NEK5: variants seen among roughly 807,000 people sequenced by gnomAD.
The protein encoded by NEK5 is NIMA related kinase 5, also known as serine/threonine-protein kinase Nek5.
In NEK5, 88 loss-of-function variants were observed where a neutral mutation model predicts 109.2. That is an observed-to-expected ratio of 0.81 (90% CI 0.68 to 0.96). The LOEUF is 0.96. Among genes scored for constraint, NEK5 ranks in the 40% least tolerant of loss-of-function variants. The probability of loss-of-function intolerance (pLI) is 0.00; values close to 1 mark genes in which losing one functional copy is unlikely to be tolerated. For synonymous variants in NEK5, 283 were observed against 299.9 expected (o/e 0.94, Z 0.58); for missense variants, 834 against 920.7 (o/e 0.91, Z 1.22).
At chr13:52,087,563 C>T in intron 14 of NEK5, 109 bp from the exon 15 acceptor site, 1 of 578,376 alleles carries the variant, frequency 1.7e-6, no homozygotes, top group Non-Finnish European at 3.0e-6. Context: ...TAAGCAAACT[C>T]AGTATTTGGG....
At chr13:52,059,736 T>C (rs1408620298) in intron 22 of NEK5, among the ~76,000 whole-genome samples, 4 of 148,778 alleles carry the variant, frequency 2.7e-5, no homozygotes, top group Admixed American at 6.8e-5. Context: ...TTCTCACTCA[T>C]AGGTGGGAAT....
rs569894084 is a variant in NEK5 at position 52,048,104 on chromosome 13, G to A, written c.2228+2000C>T. On this transcript the variant is annotated intron_variant, in intron 23 of 23. Coordinates refer to ENST00000684899, the MANE Select transcript of NEK5 (RefSeq NM_001365552.1). ...GGATGACTATAGTTAATAGTAATAT[G>A]GTATATAGTTTTAAATCACTAGAAG... Among the ~76,000 whole-genome samples, 8 of 152,156 alleles carry A rather than the reference G, an allele frequency of 5.3e-5. No homozygotes were observed. The South Asian group carries it at 1.5e-3, about 28-fold the overall frequency.
chr13:52,111,897 C>T (rs149882653), intron 5 of NEK5, among the ~76,000 whole-genome samples: 1 of 152,116 alleles, frequency 6.6e-6, no homozygotes, highest in South Asian at 2.1e-4. Flanking sequence ...TAAAACAGAG[C>T]ACCAAATGGT....
chr13:52,088,171 C>T (rs558294119), intron 14 of NEK5, among the ~76,000 whole-genome samples: 31 of 146,560 alleles, frequency 2.1e-4, no homozygotes, highest in Middle Eastern at 8.1e-3. Flanking sequence ...TCAAGCAATC[C>T]ACCCACCTCA....
At chr13:52,085,803 T>C (rs1459894680) in intron 16 of NEK5, among the ~76,000 whole-genome samples, 1 of 152,208 alleles carries the variant, frequency 6.6e-6, no homozygotes, top group African/African-American at 2.4e-5. Flanking sequence ...TTTAAGAGAT[T>C]TTTAAGAATC....
At chr13:52,099,946 G>C in intron 11 of NEK5, 70 bp from the exon 12 acceptor site, 2 of 1,195,370 alleles carry the variant, frequency 1.7e-6, no homozygotes, top group Non-Finnish European at 2.4e-6. Flanking sequence ...ATACTTGTAA[G>C]AGTATAAACA....
chr13:52,120,241 C>A (rs1955942307), intron 3 of NEK5, among the ~76,000 whole-genome samples: 1 of 152,110 alleles, frequency 6.6e-6, no homozygotes, highest in South Asian at 2.1e-4. Flanking sequence ...CCTTAAACCC[C>A]TCTAAGCTTC....
At chr13:52,095,093 A>AT (rs929807845) in intron 12 of NEK5, among the ~76,000 whole-genome samples, 1 of 149,960 alleles carries the variant, frequency 6.7e-6, no homozygotes. Context: ...AAAACAAAAA[A>AT]TTTTTTTTTT....
At position 52,065,596 on chromosome 13, in the gene NEK5, C is replaced by G. The variant is rs771122425; in HGVS notation, c.1863G>C (p.Gln621His). ...TCCTGTTTCCCACAGCAGCTACAGT[C>G]TGCGTGGAAAACCCTGGGTGTAAGA... ...LHCPEAGFST[Q>H]TVAAVGNRRQ... Residue 621 changes from glutamine (Q) to histidine (H), a missense_variant, in exon 21 of 24, where the codon CAG becomes CAC. Physicochemically the swap from Gln to His is conservative, Grantham distance 24 (BLOSUM62 0). Around this residue, in one of 2 missense-constraint regions of NEK5, gnomAD observed 777 missense variants for 824.7 expected, o/e 0.94. Coordinates refer to ENST00000684899, the MANE Select transcript of NEK5 (RefSeq NM_001365552.1). 7 of 1,612,982 alleles carry G rather than the reference C, an allele frequency of 4.3e-6. No homozygotes were observed. The highest frequency in any genetic ancestry group is 5.9e-6 in the Non-Finnish European group (7 of 1,178,990).
intron 16 of NEK5, among the ~76,000 whole-genome samples, chr13:52,084,791 G>A (rs1955103959): frequency 6.8e-6 from 1 of 146,830 alleles, no homozygotes; most frequent in Non-Finnish European, 1.5e-5. Context: ...GTGTGTGTGT[G>A]TGTGTGTGTG....
chr13:52,119,917 A>C (rs967246143), intron 3 of NEK5, among the ~76,000 whole-genome samples: 3 of 152,202 alleles, frequency 2.0e-5, no homozygotes, highest in Non-Finnish European at 4.4e-5. Flanking sequence ...TTTTAGAAGT[A>C]TTTGGGTGTA....
At chr13:52,062,493 T>C (rs570512475) in intron 21 of NEK5, among the ~76,000 whole-genome samples, 4 of 151,922 alleles carry the variant, frequency 2.6e-5, no homozygotes, top group Non-Finnish European at 4.4e-5. Context: ...CGATCTTGGC[T>C]CACTGCAACC....
chr13:52,105,005 C>T (rs1482335818), intron 8 of NEK5, among the ~76,000 whole-genome samples: 1 of 152,146 alleles, frequency 6.6e-6, no homozygotes, highest in Non-Finnish European at 1.5e-5. Context: ...TCTCAATAAA[C>T]ATTTAAAAAT....
intron 23 of NEK5, among the ~76,000 whole-genome samples, chr13:52,041,714 G>A (rs370339837): frequency 8.2e-5 from 8 of 97,070 alleles, no homozygotes; most frequent in African/African-American, 2.9e-4. Context: ...GGCAACAAGA[G>A]CGAAACTCTG....
At chr13:52,098,245 C>T (rs954897382) in intron 12 of NEK5, among the ~76,000 whole-genome samples, 7 of 150,834 alleles carry the variant, frequency 4.6e-5, no homozygotes, top group Non-Finnish European at 1.0e-4. Flanking sequence ...CTGGGTGACA[C>T]AGCAGGACCC....
intron 20 of NEK5, among the ~76,000 whole-genome samples, chr13:52,068,256 C>A (rs1467549766): frequency 6.6e-6 from 1 of 152,138 alleles, no homozygotes; most frequent in African/African-American, 2.4e-5. Flanking sequence ...CCTCCTTATT[C>A]TTTTGGTCGT....
chr13:52,087,776 C>T (rs572295193), intron 14 of NEK5, among the ~76,000 whole-genome samples: 2 of 152,080 alleles, frequency 1.3e-5, no homozygotes, highest in African/African-American at 4.8e-5. Context: ...CAGGCACCCG[C>T]CACCACACCC....
chr13:52,052,382 T>C (rs902583522), intron 22 of NEK5, among the ~76,000 whole-genome samples: 1 of 152,152 alleles, frequency 6.6e-6, no homozygotes, highest in Non-Finnish European at 1.5e-5. Flanking sequence ...TGCATTTAGA[T>C]TGAAAGACAG....
rs1379790656 is a variant in NEK5, at chr13:52,110,585, G to A, written c.313-8C>T. 1.9e-6 allele frequency: 3 copies of A among 1,593,064 alleles called. No homozygotes were observed. Among genetic ancestry groups the A allele is most frequent in the Middle Eastern group, 1.7e-4 (1 of 6,038 alleles). The stretch of plus-strand genomic sequence containing the variant: ...TACAAACCAACCGAGGATCTATAGA[G>A]AGAACACAAAACAAAGCCACTGAAT... On this transcript the variant is annotated splice_polypyrimidine_tract_variant and splice_region_variant and intron_variant, in intron 5 of 23. Coordinates refer to ENST00000684899, the MANE Select transcript of NEK5 (RefSeq NM_001365552.1).
Sources: allele counts gnomAD v4.1 joint callset (sites outside exome capture counted in the v4.1 genomes callset), GRCh38; gene constraint gnomAD v4.1.1; regional missense constraint gnomAD v4.1.1; transcripts MANE v1.5; gene names NCBI Gene and HGNC (gene_info 2026-07-23, HGNC 2026-07-21).